Variants in TCF25 observed in about 807,000 individuals in gnomAD.
TCF25 encodes ribosome quality control complex subunit TCF25.
A neutral mutation model predicts 83.1 loss-of-function variants in TCF25; 41 were observed. The observed-to-expected ratio is 0.49, with a 90% confidence interval of 0.38 to 0.64. The LOEUF is 0.64. Among genes scored for constraint, TCF25 ranks in the 30% least tolerant of loss-of-function variants. The pLI is 0.00. For synonymous variants in TCF25, 458 were observed against 365.0 expected (o/e 1.25, Z -2.90); for missense variants, 979 against 914.5 (o/e 1.07, Z -0.91).
chr16:89,905,643 C>T (rs2044712191), intron 14 of TCF25, among the ~76,000 whole-genome samples: 1 of 152,366 alleles, frequency 6.6e-6, no homozygotes, highest in East Asian at 1.9e-4. Flanking sequence ...TTTGCATCTC[C>T]ACAGTGAAGT....
At chr16:89,908,227 C>T (rs1021686125) in intron 16 of TCF25, among the ~76,000 whole-genome samples, 1 of 131,618 alleles carries the variant, frequency 7.6e-6, no homozygotes, top group Non-Finnish European at 1.6e-5. Context: ...CCGCCTCCCT[C>T]CTCTCAGTTC....
intron 1 of TCF25, chr16:89,878,415 G>A (rs1022596739): frequency 9.0e-5 from 110 of 1,219,660 alleles, no homozygotes; most frequent in Non-Finnish European, 1.1e-4. Flanking sequence ...GTGAAACTCC[G>A]TCTCTATTAA....
chr16:89,898,720 G>A (rs779289314), intron 10 of TCF25, 47 bp from the exon 11 acceptor site: 8 of 1,612,398 alleles, frequency 5.0e-6, no homozygotes, highest in Admixed American at 1.7e-5. Context: ...TCAGCCTGAC[G>A]ATGCCCCTGT....
chr16:89,905,024 T>A lies in TCF25; in HGVS notation c.1556T>A (p.Leu519Gln). Residue 519 changes from leucine to glutamine, a missense_variant, in exon 14 of 18, where the codon CTG (leucine) becomes CAG (glutamine). Coordinates refer to ENST00000263346, the MANE Select transcript of TCF25 (RefSeq NM_014972.3). ...LWKEPATMSWLEENVHEVLQA... is the reference protein window; with the variant it reads ...LWKEPATMSWQEENVHEVLQA... Reference sequence around the variant, plus strand: ...AAAGAGCCCGCCACCATGAGCTGGCTGGAGGAGAACGTCCACGAGGTTCTG... The same window carrying A: ...AAAGAGCCCGCCACCATGAGCTGGCAGGAGGAGAACGTCCACGAGGTTCTG... 1 of 1,603,562 alleles carries A rather than the reference T, an allele frequency of 6.2e-7. No individual in the cohort carries two copies. Among genetic ancestry groups the A allele is most frequent in the Non-Finnish European group, 8.5e-7 (1 of 1,175,590 alleles).
intron 16 of TCF25, chr16:89,909,238 G>A (rs970300910): frequency 3.9e-6 from 4 of 1,015,770 alleles, no homozygotes; most frequent in Non-Finnish European, 5.2e-6. Flanking sequence ...CCAGCTGGGT[G>A]CAGTGACTCA....
At chr16:89,908,925 A>G in intron 16 of TCF25, 1 of 1,287,548 alleles carries the variant, frequency 7.8e-7, no homozygotes, top group South Asian at 1.2e-5. Flanking sequence ...CCAGATGCTG[A>G]GAGATGGGGC....
Position 89,911,311 on chromosome 16 carries a change from G to T in TCF25, c.*73G>T, listed in dbSNP as rs1309486931. ...CTCTGTTGGTCGGAGTCGGCCAGTT[G>T]CCTGAAGTAGGGAAGCTGAGTGTGT... is the stretch of plus-strand genomic sequence containing the variant. On this transcript the variant is annotated 3_prime_UTR_variant, in exon 18 of 18. Coordinates refer to ENST00000263346, the MANE Select transcript of TCF25 (RefSeq NM_014972.3). The T allele has an allele frequency of 1.3e-6, 2 of 1,582,966 alleles. No individual in the cohort carries two copies. The highest frequency in any genetic ancestry group is 1.7e-6 in the Non-Finnish European group (2 of 1,159,982).
chr16:89,907,108 TTC>T, intron 15 of TCF25, 133 bp from the exon 16 acceptor site: 1 of 888,356 alleles, frequency 1.1e-6, no homozygotes, highest in Non-Finnish European at 1.8e-6. Context: ...GCACAGCCGT[TTC>T]TGTCAGACTC....
intron 4 of TCF25, among the ~76,000 whole-genome samples, chr16:89,886,631 G>A (rs1180045192): frequency 1.3e-5 from 2 of 151,828 alleles, no homozygotes; most frequent in African/African-American, 4.8e-5. Flanking sequence ...GCGTGGTGGC[G>A]CATGCCTGTA....
At chr16:89,902,503 C>A (rs2044415756) in intron 12 of TCF25, among the ~76,000 whole-genome samples, 1 of 138,006 alleles carries the variant, frequency 7.2e-6, no homozygotes, top group African/African-American at 2.6e-5. Context: ...TCCTGACTAA[C>A]ACGGTGAAAC....
chr16:89,882,066 T>A (rs997605690), intron 1 of TCF25, among the ~76,000 whole-genome samples: 3 of 152,202 alleles, frequency 2.0e-5, no homozygotes, highest in African/African-American at 7.2e-5. Flanking sequence ...AGCCTCTCAC[T>A]AGCTGAGGAG....
intron 2 of TCF25, chr16:89,883,870 C>T (rs763834298): frequency 2.3e-5 from 5 of 217,746 alleles, no homozygotes; most frequent in South Asian, 7.9e-5. Flanking sequence ...GTGCCCCGAA[C>T]GTTTGCTTGG....
rs1388551503 is a variant in TCF25, at chr16:89,883,361, A to T, written c.203A>T (p.Asp68Val). The T allele has an allele frequency of 6.2e-7, 1 of 1,613,462 alleles. No homozygotes were observed. Among genetic ancestry groups the T allele is most frequent in the South Asian group, 1.1e-5 (1 of 91,068 alleles). Residue 68 changes from aspartate (D) to valine (V), a missense_variant, in exon 2 of 18, where the codon GAC becomes GTC. Physicochemically the swap from Asp to Val is radical, Grantham distance 152 (BLOSUM62 -3). Coordinates refer to ENST00000263346, the MANE Select transcript of TCF25 (RefSeq NM_014972.3). ...AACCTGTTTTTCCAGATAAACATTGACGATCTTGAGGATGACCCTGTGGTG... is the reference window on the plus strand; with the variant it reads ...AACCTGTTTTTCCAGATAAACATTGTCGATCTTGAGGATGACCCTGTGGTG... Reference protein sequence around the residue: ...VNNRFELINIDDLEDDPVVNG... With the variant: ...VNNRFELINIVDLEDDPVVNG...
intron 12 of TCF25, 54 bp from the exon 13 acceptor site, chr16:89,904,064 G>T (rs2044570444): frequency 6.4e-7 from 1 of 1,553,348 alleles, no homozygotes; most frequent in Non-Finnish European, 8.8e-7. Context: ...TGGGGGCTAG[G>T]AGTGGCTGGG....
rs1055192683 is a variant in TCF25 at position 89,897,466 on chromosome 16, C to T, written c.1023-1091C>T. 7.9e-5 allele frequency among the ~76,000 whole-genome samples: 12 copies of T among 152,378 alleles called. No individual in the cohort carries two copies. In the South Asian group the frequency reaches 8.3e-4, roughly 11 times the overall value. On this transcript the variant is annotated intron_variant, in intron 9 of 17. Transcript: ENST00000263346. ...CTGCAGTGTGGGATCCGCTCCTACCCTCTCAGCCCTCCTGGCAAGCCAAGG... is the reference window on the plus strand; with the variant it reads ...CTGCAGTGTGGGATCCGCTCCTACCTTCTCAGCCCTCCTGGCAAGCCAAGG...
intron 3 of TCF25, among the ~76,000 whole-genome samples, chr16:89,885,288 G>C (rs2042919568): frequency 6.6e-6 from 1 of 152,168 alleles, no homozygotes; most frequent in Non-Finnish European, 1.5e-5. Context: ...TTCCTCGACT[G>C]GTTGGCGCTC....
chr16:89,904,470 G>A (rs1052848803), intron 13 of TCF25: 9 of 546,016 alleles, frequency 1.6e-5, no homozygotes, highest in Non-Finnish European at 2.6e-5. Context: ...GCACATGCCT[G>A]TAATCTCAGC....
In TCF25 at chr16:89,873,601, C is replaced by A; in HGVS notation, c.-67C>A. ...CGACCCCGCGCGAAGAGTGCGCAGG[C>A]GCGCCGACAGCCGAGTTTTCTGCGC... On this transcript the variant is annotated 5_prime_UTR_variant, in exon 1 of 18. Transcript: ENST00000263346. 7.6e-7 allele frequency: 1 copy of A among 1,317,784 alleles called. No individual in the cohort carries two copies. 81.6% of individuals were successfully genotyped at this position (1,317,784 alleles called of 1,614,324 possible). A position where few individuals can be genotyped will look rare whatever the true frequency, so the allele number is the denominator to read the frequency against.
Position 89,896,102 on chromosome 16 carries a change from G to T in TCF25, c.1022+19G>T, listed in dbSNP as rs769072707. 4.3e-6 allele frequency: 7 copies of T among 1,610,432 alleles called. No individual in the cohort carries two copies. Among genetic ancestry groups the T allele is most frequent in the African/African-American group, 1.3e-5 (1 of 74,968 alleles). On this transcript the variant is annotated intron_variant, in intron 9 of 17. Transcript: ENST00000263346. ...AGAACAGGTGAGTGCAGCTGCCCTG[G>T]AGGTGACGCAGCTCCCCTTCCCTTC...
Sources: allele counts gnomAD v4.1 joint callset (sites outside exome capture counted in the v4.1 genomes callset), GRCh38; gene constraint gnomAD v4.1.1; transcripts MANE v1.5; gene names NCBI Gene and HGNC (gene_info 2026-07-23, HGNC 2026-07-21).